The following PCDHGA1 variants were observed in gnomAD, a reference collection of about 807,000 sequenced individuals.
PCDHGA1 encodes protocadherin gamma-A1.
Under a neutral mutation model 58.0 loss-of-function variants are expected in PCDHGA1, and 32 were observed. The ratio of observed to expected loss-of-function variants is 0.55; its 90% CI spans 0.42 to 0.74. The LOEUF (loss-of-function observed/expected upper bound fraction) is 0.74. Among genes scored for constraint, PCDHGA1 ranks in the 30% least tolerant of loss-of-function variants. The probability of loss-of-function intolerance (pLI) is 0.00; values close to 1 mark genes in which losing one functional copy is unlikely to be tolerated. For missense variants in PCDHGA1, 1,205 were observed against 1,182.3 expected (o/e 1.02, Z -0.28); for synonymous variants, 498 against 501.1 (o/e 0.99, Z 0.08).
intron 1 of PCDHGA1, chr5:141,421,458 T>C (rs2096575080): frequency 6.2e-7 from 1 of 1,614,122 alleles, no homozygotes; most frequent in Non-Finnish European, 8.5e-7. Flanking sequence ...AGCTTTTCGC[T>C]GTGAATCCGC....
In PCDHGA1 at chr5:141,489,406, A is replaced by T; in HGVS notation, c.2422-5401A>T. 6.2e-7 allele frequency: 1 copy of T among 1,614,166 alleles called. No individual in the cohort carries two copies. Among genetic ancestry groups the T allele is most frequent in the Non-Finnish European group, 8.5e-7 (1 of 1,180,028 alleles). Reference sequence around the variant, plus strand: ...TGTTGCTCAGGATCTGGGCTTAAAGATGACAGATCTGTTGAGCCGGCGGCT... The same window carrying T: ...TGTTGCTCAGGATCTGGGCTTAAAGTTGACAGATCTGTTGAGCCGGCGGCT... On this transcript the variant is annotated intron_variant, in intron 1 of 3. Coordinates refer to ENST00000517417, the MANE Select transcript of PCDHGA1 (RefSeq NM_018912.3). This position sits in a 1 kb window ranked among gnomAD's most constrained non-coding sequence, Gnocchi z 4.5.
Position 141,404,599 on chromosome 5 carries a change from A to G in PCDHGA1, c.2421+71494A>G. 2.5e-6 allele frequency: 4 copies of G among 1,613,988 alleles called. 1 individual carries two copies. In the East Asian group the frequency reaches 8.9e-5, roughly 36 times the overall value. ...CACTTAGCAGCAATGTGTCATTGAG[A>G]CTGTTTGTTTTGGACCAGAATGACA... is the stretch of plus-strand genomic sequence containing the variant. On this transcript the variant is annotated intron_variant, in intron 1 of 3. Coordinates refer to ENST00000517417, the MANE Select transcript of PCDHGA1 (RefSeq NM_018912.3).
At chr5:141,400,357 T>C (rs769075513) in intron 1 of PCDHGA1, 1 of 1,614,052 alleles carries the variant, frequency 6.2e-7, no homozygotes, top group Non-Finnish European at 8.5e-7. Flanking sequence ...TCAGGGGACT[T>C]TGCCTTATTC....
chr5:141,448,335 A>T (rs567377336), intron 1 of PCDHGA1, among the ~76,000 whole-genome samples: 1 of 152,108 alleles, frequency 6.6e-6, no homozygotes, highest in Non-Finnish European at 1.5e-5. Flanking sequence ...CTTTATAGCC[A>T]TGTACCTCAA....
Position 141,330,889 on chromosome 5 carries a change from A to G in PCDHGA1, c.205A>G (p.Arg69Gly). 1 of 1,614,240 alleles carries G rather than the reference A, an allele frequency of 6.2e-7. No individual in the cohort carries two copies. The highest frequency in any genetic ancestry group is 1.7e-5 in the Admixed American group (1 of 60,026). The stretch of plus-strand genomic sequence containing the variant: ...AGATGGCGGAGTCCGCATCGTCTCC[A>G]GAGGTAGGATGCCGCTTTTCGCTCT... ...LADGGVRIVS[R>G]GRMPLFALNP... The change falls in exon 1 of 4, where the codon AGA becomes GGA. Residue 69 changes from arginine to glycine, a missense_variant. Arg to Gly is a moderately radical substitution (Grantham distance 125). Coordinates refer to ENST00000517417, the MANE Select transcript of PCDHGA1 (RefSeq NM_018912.3).
chr5:141,496,478 G>A lies in PCDHGA1; in HGVS notation c.2480+1613G>A, dbSNP rs150992994. 7.2e-3 allele frequency among the ~76,000 whole-genome samples: 1,093 copies of A among 152,228 alleles called. 19 individuals are homozygous for A. The highest frequency in any genetic ancestry group is 0.025 in the African/African-American group (1,039 of 41,518). ...CCAAGAGTTATCTTTCCCCCATCCT[G>A]CAACCAACCAAACCCTTGTTGCCAC... is the stretch of plus-strand genomic sequence containing the variant. On this transcript the variant is annotated intron_variant, in intron 2 of 3. Transcript: ENST00000517417.
In PCDHGA1 at chr5:141,454,796, A is replaced by ATTTTTT. The variant is rs61612330; in HGVS notation, c.2422-39987_2422-39982dup. Among the ~76,000 whole-genome samples the ATTTTTT allele has an allele frequency of 4.9e-3, 381 of 77,456 alleles. 41 individuals carry two copies. The highest frequency in any genetic ancestry group is 0.011 in the African/African-American group (178 of 16,882). 50.8% of individuals were successfully genotyped at this position (77,456 alleles called of 152,430 possible). ...AAGGAAATAATCCTCCATGGTTCTA[A>ATTTTTT]TTTTTTTTTTTTTTTTTTTTTTTTT... On this transcript the variant is annotated intron_variant, in intron 1 of 3. Coordinates refer to ENST00000517417, the MANE Select transcript of PCDHGA1 (RefSeq NM_018912.3).
At chr5:141,370,514 G>C (rs1295709231) in intron 1 of PCDHGA1, 2 of 1,613,894 alleles carry the variant, frequency 1.2e-6, no homozygotes, top group East Asian at 2.2e-5. Context: ...TTCCCGAGGA[G>C]CTGGACAGGG....
rs374663576 is a variant in PCDHGA1, at chr5:141,489,905, G to T, written c.2422-4902G>T. On this transcript the variant is annotated intron_variant, in intron 1 of 3. Coordinates refer to ENST00000517417, the MANE Select transcript of PCDHGA1 (RefSeq NM_018912.3). The surrounding 1 kb of genome is among the most constrained non-coding windows in gnomAD (Gnocchi z 4.5). ...GCTGTGGATGGGGGGACCCCAGCCC[G>T]CTCAGGGACCACCCTTATCTCTGTC... The T allele has an allele frequency of 9.7e-5, 156 of 1,614,226 alleles. 3 individuals are homozygous for T. The South Asian group carries it at 1.6e-3, about 16-fold the overall frequency.
At chr5:141,398,612 T>G in intron 1 of PCDHGA1, 1 of 1,614,024 alleles carries the variant, frequency 6.2e-7, no homozygotes, top group Non-Finnish European at 8.5e-7. Flanking sequence ...GATGCAGATA[T>G]TGGCTTAAAC....
chr5:141,422,996 C>T (rs1473025630), intron 1 of PCDHGA1: 1 of 1,614,224 alleles, frequency 6.2e-7, no homozygotes, highest in South Asian at 1.1e-5. Context: ...TACCTGGTGA[C>T]CAAGGTGGTT....
intron 1 of PCDHGA1, chr5:141,403,427 G>T: frequency 6.2e-7 from 1 of 1,614,026 alleles, no homozygotes; most frequent in Non-Finnish European, 8.5e-7. Context: ...AGAAGCTATT[G>T]ATCCGGATGT....
At chr5:141,383,961 C>T (rs768963435) in intron 1 of PCDHGA1, 31 of 1,613,238 alleles carry the variant, frequency 1.9e-5, no homozygotes, top group Non-Finnish European at 2.6e-5. Context: ...CTTTAAGTAG[C>T]TCAATCCCTG....
chr5:141,350,472 A>G, intron 1 of PCDHGA1: 1 of 1,613,948 alleles, frequency 6.2e-7, no homozygotes, highest in Non-Finnish European at 8.5e-7. Flanking sequence ...GCAGAGGATT[A>G]TTTCAACGTT....
intron 1 of PCDHGA1, chr5:141,366,296 G>A (rs776172631): frequency 6.2e-6 from 10 of 1,613,616 alleles, no homozygotes; most frequent in African/African-American, 2.7e-5. Flanking sequence ...CCCTCTGTCA[G>A]CCACCTTCAC....
chr5:141,424,556 G>C (rs2096828013), intron 1 of PCDHGA1: 1 of 152,128 alleles, frequency 6.6e-6, no homozygotes, highest in South Asian at 2.1e-4. Context: ...TTGATTCAGT[G>C]CTTCTCAAAA....
At chr5:141,344,838 C>G (rs770956068) in intron 1 of PCDHGA1, 6 of 1,613,816 alleles carry the variant, frequency 3.7e-6, no homozygotes, top group South Asian at 3.3e-5. Flanking sequence ...TGCCACTGAC[C>G]CTGACGAGGG....
intron 1 of PCDHGA1, chr5:141,421,459 G>T: frequency 6.2e-7 from 1 of 1,614,142 alleles, no homozygotes; most frequent in South Asian, 1.1e-5. Context: ...GCTTTTCGCT[G>T]TGAATCCGCG....
At chr5:141,451,957 A>C (rs1019378263) in intron 1 of PCDHGA1, among the ~76,000 whole-genome samples, 3 of 152,202 alleles carry the variant, frequency 2.0e-5, no homozygotes, top group African/African-American at 7.2e-5. Context: ...AGAAAGTGAC[A>C]TACCATCATT....
Sources: gnomAD v4.1 joint callset for allele counts (sites outside exome capture counted in the v4.1 genomes callset) on GRCh38, gnomAD v4.1.1 for gene constraint, Gnocchi (gnomAD v3.1) non-coding constraint, MANE v1.5 for transcripts, NCBI Gene and HGNC (gene_info 2026-07-23, HGNC 2026-07-21) for gene names.